PRIMPOL: variants seen among roughly 807,000 people sequenced by gnomAD.
PRIMPOL encodes DNA-directed primase/polymerase protein.
A neutral mutation model predicts 63.6 loss-of-function variants in PRIMPOL; 54 were observed. The ratio of observed to expected loss-of-function variants is 0.85; its 90% CI spans 0.68 to 1.07. PRIMPOL has a LOEUF of 1.07. PRIMPOL is among the 50% of genes least tolerant of loss of function. PRIMPOL has a pLI of 0.00. For synonymous variants in PRIMPOL, 197 were observed against 220.2 expected (o/e 0.89, Z 0.93); for missense variants, 610 against 648.3 (o/e 0.94, Z 0.64).
intron 13 of PRIMPOL, 67 bp from the exon 14 acceptor site, chr4:184,694,455 T>C: frequency 6.4e-7 from 1 of 1,550,966 alleles, no homozygotes. Context: ...GAGTATAAGG[T>C]TAAATCACAT....
At chr4:184,663,152 C>T (rs937262774) in intron 5 of PRIMPOL, among the ~76,000 whole-genome samples, 1 of 151,662 alleles carries the variant, frequency 6.6e-6, no homozygotes, top group African/African-American at 2.4e-5. Context: ...TCAAGCAGTT[C>T]TCCTGCCTCA....
chr4:184,694,327 A>G lies in PRIMPOL; in HGVS notation c.1426-195A>G, dbSNP rs999102167. 5 of 1,351,520 alleles carry G rather than the reference A, an allele frequency of 3.7e-6. No individual in the cohort carries two copies. The African/African-American group carries it at 5.8e-5, about 16-fold the overall frequency. The allele number at this position is 1,351,520 out of a possible 1,614,324, so 83.7% of individuals were successfully genotyped here. The stretch of plus-strand genomic sequence containing the variant: ...AAATTTGGAGTTTCAAGTGTGTCTG[A>G]GCTTCAGTGCAGCAACGTTTGAATC... On this transcript the variant is annotated intron_variant, in intron 13 of 13. Transcript: ENST00000314970.
At chr4:184,653,114 G>A (rs1397766460) in intron 2 of PRIMPOL, among the ~76,000 whole-genome samples, 3 of 151,902 alleles carry the variant, frequency 2.0e-5, no homozygotes. Context: ...AGGAAGGAAG[G>A]AAGGTAGGTA....
chr4:184,665,520 T>C (rs1749622645), intron 5 of PRIMPOL, among the ~76,000 whole-genome samples: 1 of 151,478 alleles, frequency 6.6e-6, no homozygotes, highest in Non-Finnish European at 1.5e-5. Context: ...TTTTTTTTTT[T>C]TGAGATGGAG....
intron 9 of PRIMPOL, among the ~76,000 whole-genome samples, chr4:184,684,995 T>G (rs555919249): frequency 6.6e-6 from 1 of 152,244 alleles, no homozygotes; most frequent in South Asian, 2.1e-4. Context: ...TGAGTCCTCA[T>G]GACCACAGGG....
rs138103333 is a variant in PRIMPOL at position 184,685,639 on chromosome 4, G to A, written c.1250G>A (p.Arg417Gln). 4.2e-5 allele frequency: 68 copies of A among 1,610,296 alleles called. No individual in the cohort carries two copies. Among genetic ancestry groups the A allele is most frequent in the Admixed American group, 5.0e-5 (3 of 59,956 alleles). Residue 417 changes from arginine (R) to glutamine (Q), a missense_variant, in exon 11 of 14, where the codon CGG becomes CAG. By Grantham distance (43) the Arg-to-Gln change is conservative. Transcript: ENST00000314970. ...ELLVYDICKY[R>Q]WCENIGRAHK... ...CTGGTTTATGATATTTGTAAATATC[G>A]GTGGTGTGAAAACATTGGAAGAGCC... is the stretch of plus-strand genomic sequence containing the variant.
chr4:184,694,425 T>TAATA, intron 13 of PRIMPOL, 97 bp from the exon 14 acceptor site: 1 of 1,435,862 alleles, frequency 7.0e-7, no homozygotes, highest in South Asian at 1.5e-5. Context: ...ATCTGTCACT[T>TAATA]AATACCTTAC....
chr4:184,658,528 A>G (rs146870246), intron 3 of PRIMPOL, among the ~76,000 whole-genome samples: 8 of 152,178 alleles, frequency 5.3e-5, no homozygotes, highest in African/African-American at 1.7e-4. Context: ...GAACTTGTGG[A>G]TGTATTCCTC....
In PRIMPOL at chr4:184,671,738, G is replaced by GT. The variant is rs57281352; in HGVS notation, c.557-416dup. Among the ~76,000 whole-genome samples the GT allele has an allele frequency of 1.1e-3, 103 of 95,460 alleles. 1 individual carries two copies. Among genetic ancestry groups the GT allele is most frequent in the Non-Finnish European group, 1.4e-3 (69 of 47,986 alleles). The allele number at this position is 95,460 out of a possible 152,430, so 62.6% of individuals were successfully genotyped here. ...GCATATAACAATTTATAGCGACTCG[G>GT]TTTTTTTTTTTTTTTTTTTGGTAAG... On this transcript the variant is annotated intron_variant, in intron 6 of 13. Coordinates refer to ENST00000314970, the MANE Select transcript of PRIMPOL (RefSeq NM_152683.4).
intron 11 of PRIMPOL, among the ~76,000 whole-genome samples, chr4:184,687,156 C>T (rs947233534): frequency 1.3e-5 from 2 of 151,842 alleles, no homozygotes; most frequent in East Asian, 1.9e-4. Flanking sequence ...CTGCAACCTC[C>T]GCTTCCTTGA....
chr4:184,651,290 C>CA (rs1203681677), intron 1 of PRIMPOL, among the ~76,000 whole-genome samples: 15 of 144,020 alleles, frequency 1.0e-4, no homozygotes, highest in South Asian at 2.1e-4. Flanking sequence ...GACTCTGTCT[C>CA]AAAAAAAAGA....
At chr4:184,651,442 CAAT>C (rs1264252243) in intron 1 of PRIMPOL, among the ~76,000 whole-genome samples, 2 of 152,156 alleles carry the variant, frequency 1.3e-5, no homozygotes, top group Non-Finnish European at 2.9e-5. Flanking sequence ...TTTTCTGCCT[CAAT>C]AAAACTGAGA....
At chr4:184,664,271 C>T (rs1483645173) in intron 5 of PRIMPOL, among the ~76,000 whole-genome samples, 1 of 152,122 alleles carries the variant, frequency 6.6e-6, no homozygotes, top group Non-Finnish European at 1.5e-5. Flanking sequence ...GTTTTTAGTC[C>T]CTACTAAGTG....
intron 11 of PRIMPOL, 27 bp downstream of exon 11, chr4:184,685,711 A>G (rs369306055): frequency 3.6e-5 from 35 of 973,260 alleles, no homozygotes; most frequent in Middle Eastern, 3.0e-4. Context: ...ATTTGTGTGT[A>G]TTTAACCAAT....
chr4:184,653,251 A>G (rs13130478), intron 2 of PRIMPOL, among the ~76,000 whole-genome samples: 147,350 of 152,240 alleles, frequency 0.97, 71,519 homozygotes, highest in East Asian at 1. Flanking sequence ...TGGAATCCAG[A>G]CCATCAAGTG....
rs769349681 is a variant in PRIMPOL, at chr4:184,682,335, A to G, written c.1095A>G (p.Ser365=). 15 of 1,552,794 alleles carry G rather than the reference A, an allele frequency of 9.7e-6. No individual in the cohort carries two copies. Among genetic ancestry groups the G allele is most frequent in the South Asian group, 7.9e-5 (7 of 89,086 alleles). Residue 365 remains serine (S), a splice_region_variant and synonymous_variant, in exon 9 of 14, where the codon TCA becomes TCG. Transcript: ENST00000314970. ...GVGYFNSIGT[S]VETIEGFQCS... The stretch of plus-strand genomic sequence containing the variant: ...GATATTTTAACAGTATCGGCACTTC[A>G]GGTAAATTTTTTGATGTTTGTTTTT...
intron 11 of PRIMPOL, among the ~76,000 whole-genome samples, chr4:184,688,444 C>T (rs544539347): frequency 6.6e-6 from 1 of 152,354 alleles, no homozygotes; most frequent in African/African-American, 2.4e-5. Flanking sequence ...AATCAAATTA[C>T]ATCCACACAG....
At chr4:184,686,436 T>C (rs566356423) in intron 11 of PRIMPOL, among the ~76,000 whole-genome samples, 4 of 152,294 alleles carry the variant, frequency 2.6e-5, no homozygotes, top group African/African-American at 2.4e-5. Context: ...TGTTAACTCG[T>C]TCAAGACACA....
intron 2 of PRIMPOL, among the ~76,000 whole-genome samples, chr4:184,654,458 T>TTTTTTTTGTTTTG (rs1553985982): frequency 4.1e-5 from 6 of 146,652 alleles, no homozygotes; most frequent in Admixed American, 2.0e-4. Context: ...AAGCAGTTTT[T>TTTTTTTTGTTTTG]TTTTTTTTTT....
Sources: allele counts gnomAD v4.1 joint callset (sites outside exome capture counted in the v4.1 genomes callset), GRCh38; gene constraint gnomAD v4.1.1; transcripts MANE v1.5; gene names NCBI Gene and HGNC (gene_info 2026-07-23, HGNC 2026-07-21).